Variants in XIRP2 observed in about 807,000 individuals in gnomAD.
The protein encoded by XIRP2 is xin actin binding repeat containing 2, also known as xin actin-binding repeat-containing protein 2.
In XIRP2, 236 loss-of-function variants were observed where a neutral mutation model predicts 277.0. The ratio of observed to expected loss-of-function variants is 0.85; its 90% CI spans 0.77 to 0.95. The LOEUF is 0.95. Ranked by LOEUF, XIRP2 falls within the 40% of genes least tolerant of loss-of-function variation. The pLI is 0.00. For missense variants in XIRP2, 4,640 were observed against 4,157.5 expected (o/e 1.12, Z -3.19); for synonymous variants, 1,490 against 1,416.5 (o/e 1.05, Z -1.17).
At chr2:167,108,738 G>T (rs59742705) in intron 2 of XIRP2, among the ~76,000 whole-genome samples, 1,997 of 151,772 alleles carry the variant, frequency 0.013, 51 homozygotes, top group African/African-American at 0.046. Flanking sequence ...TTGAGTAAAT[G>T]TACACTCTTT....
At chr2:167,151,668 T>C (rs1692020701) in intron 3 of XIRP2, among the ~76,000 whole-genome samples, 1 of 152,134 alleles carries the variant, frequency 6.6e-6, no homozygotes, top group African/African-American at 2.4e-5. Context: ...AATGCAGATT[T>C]CTTAGTGCAA....
chr2:167,037,650 G>A (rs892315248), intron 2 of XIRP2, among the ~76,000 whole-genome samples: 3 of 151,512 alleles, frequency 2.0e-5, no homozygotes, highest in African/African-American at 4.9e-5. Context: ...AGACCCTCAG[G>A]CTAGGGTATA....
rs1279536513 is a variant in XIRP2 at position 167,247,166 on chromosome 2, C to A, written c.5774C>A (p.Ser1925Ter). 2 of 1,613,544 alleles carry A rather than the reference C, an allele frequency of 1.2e-6. No homozygotes were observed. The highest frequency in any genetic ancestry group is 1.7e-6 in the Non-Finnish European group (2 of 1,179,772). The change falls in exon 9 of 11, where the codon TCA (serine) becomes TAA (stop). Residue 1925 changes from serine (S) to a stop codon, truncating the protein, a stop_gained. Transcript: ENST00000409195. LOFTEE classifies it high-confidence loss of function. Reference sequence around the variant, plus strand: ...CTTCTCAAAGATGACCTGGAAACATCACTAAGGTCTTTGAAAGAAGCACAA... The same window carrying A: ...CTTCTCAAAGATGACCTGGAAACATAACTAAGGTCTTTGAAAGAAGCACAA... ...KELLKDDLET[S>*]LRSLKEAQRS...
chr2:167,243,783 G>A lies in XIRP2; in HGVS notation c.2391G>A (p.Met797Ile). 2 of 1,614,008 alleles carry A rather than the reference G, an allele frequency of 1.2e-6. No individual in the cohort carries two copies. The highest frequency in any genetic ancestry group is 1.7e-6 in the Non-Finnish European group (2 of 1,179,952). Residue 797 changes from methionine to isoleucine, a missense_variant, in exon 9 of 11, where the codon ATG (methionine) becomes ATA (isoleucine). Coordinates refer to ENST00000409195, the MANE Select transcript of XIRP2 (RefSeq NM_152381.6). ...TTAAAGTTGTCCGAGGAATATCCAT[G>A]GAAGAAAATGTCAAAGGTGGGGTGA... is the stretch of plus-strand genomic sequence containing the variant. ...TEIKVVRGIS[M>I]EENVKGGVSK...
intron 4 of XIRP2, among the ~76,000 whole-genome samples, chr2:167,217,619 C>A (rs1230145941): frequency 6.6e-6 from 1 of 152,088 alleles, no homozygotes; most frequent in East Asian, 1.9e-4. Flanking sequence ...CATATTCTGT[C>A]ATTTAATACA....
rs1991568 is a variant in XIRP2 at position 167,103,560 on chromosome 2, A to G, written c.409-32349A>G. Among the ~76,000 whole-genome samples, 44 of 152,302 alleles carry G rather than the reference A, an allele frequency of 2.9e-4. No individual in the cohort carries two copies. The East Asian group carries it at 7.9e-3, about 27-fold the overall frequency. Reference sequence around the variant, plus strand: ...GGAATTTATGTTGCCCAAACTCAGCAAACAGACTTAACCAATCTGCGGCAA... The same window carrying G: ...GGAATTTATGTTGCCCAAACTCAGCGAACAGACTTAACCAATCTGCGGCAA... On this transcript the variant is annotated intron_variant, in intron 2 of 10. Transcript: ENST00000409195.
intron 2 of XIRP2, among the ~76,000 whole-genome samples, chr2:166,938,978 A>G (rs569140033): frequency 2.6e-5 from 4 of 152,200 alleles, no homozygotes; most frequent in African/African-American, 7.2e-5. Flanking sequence ...TTTTGAGCCT[A>G]TTGTGTCTCT....
intron 2 of XIRP2, among the ~76,000 whole-genome samples, chr2:166,919,328 C>G (rs1684976605): frequency 6.6e-6 from 1 of 152,152 alleles, no homozygotes; most frequent in Non-Finnish European, 1.5e-5. Flanking sequence ...TCATCTACAC[C>G]AACTACCAAA....
chr2:166,974,409 A>G (rs2105423848), intron 2 of XIRP2, among the ~76,000 whole-genome samples: 1 of 152,298 alleles, frequency 6.6e-6, no homozygotes, highest in East Asian at 1.9e-4. Context: ...ATATCTTTAA[A>G]AGATAAACTA....
intron 3 of XIRP2, among the ~76,000 whole-genome samples, chr2:167,193,749 G>A (rs375042289): frequency 4.0e-5 from 6 of 151,660 alleles, no homozygotes; most frequent in African/African-American, 7.3e-5. Context: ...GTGGTGGTGC[G>A]TGCCTGTAAT....
At chr2:167,242,165 T>A (rs1366163770) in intron 8 of XIRP2, among the ~76,000 whole-genome samples, 2 of 152,148 alleles carry the variant, frequency 1.3e-5, no homozygotes, top group Admixed American at 1.3e-4. Context: ...TTAAAGTAAT[T>A]AAATCAATTT....
intron 2 of XIRP2, among the ~76,000 whole-genome samples, chr2:166,988,414 A>G (rs1687072351): frequency 2.0e-5 from 3 of 152,108 alleles, no homozygotes; most frequent in Non-Finnish European, 4.4e-5. Context: ...TCTGAATTTG[A>G]TCCTGGGCCA....
chr2:167,258,971 G>A lies in XIRP2; in HGVS notation c.*1154G>A, dbSNP rs755909106. On this transcript the variant is annotated 3_prime_UTR_variant, in exon 11 of 11. Transcript: ENST00000409195. The stretch of plus-strand genomic sequence containing the variant: ...CCTCAGCAGAGGCCTTATGGTAAAG[G>A]GGGGAAGTTCAATCATCTCTCCTGA... The A allele has an allele frequency of 1.9e-6, 3 of 1,612,312 alleles. No homozygotes were observed. The highest frequency in any genetic ancestry group is 1.7e-5 in the Admixed American group (1 of 59,734).
chr2:167,242,465 G>A, intron 8 of XIRP2, 104 bp from the exon 9 acceptor site: 1 of 1,168,980 alleles, frequency 8.6e-7, no homozygotes, highest in Non-Finnish European at 1.2e-6. Flanking sequence ...TCCCAATGGA[G>A]ATATCATAGG....
At position 167,249,719 on chromosome 2, in the gene XIRP2, A is replaced by G; in HGVS notation, c.8327A>G (p.Lys2776Arg). 6.2e-7 allele frequency: 1 copy of G among 1,613,470 alleles called. No homozygotes were observed. Among genetic ancestry groups the G allele is most frequent in the Non-Finnish European group, 8.5e-7 (1 of 1,179,748 alleles). ...LAERHYQLPK[K>R]EKRVTVQLPT... Reference sequence around the variant, plus strand: ...GAAAGACATTATCAGTTACCTAAGAAGGAGAAAAGAGTGACAGTACAATTG... The same window carrying G: ...GAAAGACATTATCAGTTACCTAAGAGGGAGAAAAGAGTGACAGTACAATTG... The change falls in exon 9 of 11, where the codon AAG becomes AGG. Residue 2776 changes from lysine (K) to arginine (R), a missense_variant. By Grantham distance (26) the Lys-to-Arg change is conservative. Coordinates refer to ENST00000409195, the MANE Select transcript of XIRP2 (RefSeq NM_152381.6).
chr2:166,974,042 C>G (rs2105423466), intron 2 of XIRP2, among the ~76,000 whole-genome samples: 1 of 152,228 alleles, frequency 6.6e-6, no homozygotes, highest in Admixed American at 6.5e-5. Context: ...TTACAAAAGA[C>G]AACTACATAA....
At chr2:167,039,310 T>G (rs1488679000) in intron 2 of XIRP2, among the ~76,000 whole-genome samples, 1 of 152,208 alleles carries the variant, frequency 6.6e-6, no homozygotes. Context: ...ATTAATCTAT[T>G]CATTTATTCA....
At chr2:166,982,316 GT>G (rs756521659) in intron 2 of XIRP2, among the ~76,000 whole-genome samples, 256 of 122,946 alleles carry the variant, frequency 2.1e-3, no homozygotes, top group African/African-American at 6.2e-3. Flanking sequence ...TTTAGGTACA[GT>G]TTTTTTTTTT....
At chr2:167,101,103 A>G (rs1690474870) in intron 2 of XIRP2, among the ~76,000 whole-genome samples, 1 of 152,146 alleles carries the variant, frequency 6.6e-6, no homozygotes, top group Non-Finnish European at 1.5e-5. Flanking sequence ...TTCTCCCTGT[A>G]TTCTAATTCT....
Sources: allele counts gnomAD v4.1 joint callset (sites outside exome capture counted in the v4.1 genomes callset), GRCh38; gene constraint gnomAD v4.1.1; transcripts MANE v1.5; gene names NCBI Gene and HGNC (gene_info 2026-07-23, HGNC 2026-07-21).